The following GPC5 variants were observed in gnomAD, a reference collection of about 807,000 sequenced individuals.
The protein encoded by GPC5 is glypican 5.
In GPC5, 47 loss-of-function variants were observed where a neutral mutation model predicts 53.9. That is an observed-to-expected ratio of 0.87 (90% CI 0.69 to 1.11). The LOEUF (loss-of-function observed/expected upper bound fraction) is 1.11. Among genes scored for constraint, GPC5 ranks in the 50% most tolerant of loss-of-function variants. The pLI is 0.00. For missense variants in GPC5, 748 were observed against 713.1 expected (o/e 1.05, Z -0.56); for synonymous variants, 286 against 263.3 (o/e 1.09, Z -0.84).
chr13:92,557,522 A>G (rs1026274727), intron 7 of GPC5, among the ~76,000 whole-genome samples: 20 of 152,014 alleles, frequency 1.3e-4, no homozygotes, highest in African/African-American at 4.8e-4. Context: ...AGCCCCTGGC[A>G]TATTTTCAAA....
At chr13:92,420,215 A>C (rs1876497302) in intron 7 of GPC5, among the ~76,000 whole-genome samples, 1 of 152,198 alleles carries the variant, frequency 6.6e-6, no homozygotes, top group Non-Finnish European at 1.5e-5. Flanking sequence ...ATTGTTTAGC[A>C]CAAAATTATT....
intron 2 of GPC5, among the ~76,000 whole-genome samples, chr13:91,576,383 G>T (rs535087784): frequency 4.6e-5 from 7 of 151,628 alleles, no homozygotes; most frequent in Non-Finnish European, 8.8e-5. Context: ...TTACTTAGTA[G>T]TTAGAAATAA....
At chr13:92,768,053 T>C (rs752931054) in intron 7 of GPC5, among the ~76,000 whole-genome samples, 10 of 152,200 alleles carry the variant, frequency 6.6e-5, no homozygotes, top group Non-Finnish European at 1.2e-4. Context: ...CTAGAAAATA[T>C]GTGAAAACCC....
chr13:91,802,396 C>T (rs1425544895), intron 5 of GPC5, among the ~76,000 whole-genome samples: 6 of 152,098 alleles, frequency 3.9e-5, no homozygotes, highest in African/African-American at 1.2e-4. Flanking sequence ...AGCTGCAGAC[C>T]CTTGTGGTGA....
At chr13:92,445,361 T>C (rs1486446549) in intron 7 of GPC5, among the ~76,000 whole-genome samples, 1 of 151,062 alleles carries the variant, frequency 6.6e-6, no homozygotes, top group African/African-American at 2.4e-5. Flanking sequence ...CATGTGCACA[T>C]TGTGCAGGTT....
intron 2 of GPC5, among the ~76,000 whole-genome samples, chr13:91,564,524 C>T (rs2138942715): frequency 6.6e-6 from 1 of 152,232 alleles, no homozygotes; most frequent in African/African-American, 2.4e-5. Flanking sequence ...AACGATTTAG[C>T]AATCCAAGAA....
At position 92,186,956 on chromosome 13, in the gene GPC5, A is replaced by G. The variant is rs529050241; in HGVS notation, c.1561+41967A>G. ...GCAAAACCCCGTCTCTACTGAAAAT[A>G]CAAAAATTAGCCGGGCGTGTTAGTG... is the stretch of plus-strand genomic sequence containing the variant. On this transcript the variant is annotated intron_variant, in intron 7 of 7. Coordinates refer to ENST00000377067, the MANE Select transcript of GPC5 (RefSeq NM_004466.6). Among the ~76,000 whole-genome samples the G allele has an allele frequency of 7.4e-4, 113 of 152,238 alleles. 2 individuals carry two copies. In the South Asian group the frequency reaches 0.022, roughly 30 times the overall value.
At chr13:92,790,039 G>A (rs981512309) in intron 7 of GPC5, among the ~76,000 whole-genome samples, 11 of 152,142 alleles carry the variant, frequency 7.2e-5, no homozygotes, top group African/African-American at 2.4e-4. Context: ...ACGGTAGAAA[G>A]ATGAAGCCTA....
intron 7 of GPC5, among the ~76,000 whole-genome samples, chr13:92,233,780 G>T (rs1213147522): frequency 1.3e-5 from 2 of 151,982 alleles, no homozygotes; most frequent in Non-Finnish European, 2.9e-5. Context: ...TTAACATTAG[G>T]TATATCTCCA....
chr13:91,477,001 G>A (rs1414673532), intron 2 of GPC5, among the ~76,000 whole-genome samples: 2 of 152,086 alleles, frequency 1.3e-5, no homozygotes, highest in African/African-American at 2.4e-5. Flanking sequence ...GAGAAATTAC[G>A]GAGTGTTATT....
chr13:92,176,736 C>A (rs1046850978), intron 7 of GPC5, among the ~76,000 whole-genome samples: 1 of 152,124 alleles, frequency 6.6e-6, no homozygotes, highest in Non-Finnish European at 1.5e-5. Flanking sequence ...AGTGGTTCCT[C>A]ACCTCAACGG....
chr13:92,365,408 T>G (rs991591175), intron 7 of GPC5, among the ~76,000 whole-genome samples: 3 of 151,784 alleles, frequency 2.0e-5, no homozygotes, highest in African/African-American at 7.3e-5. Context: ...GGCAGGTTAA[T>G]GAGTGAGTGG....
At chr13:92,371,888 G>T (rs2043653278) in intron 7 of GPC5, among the ~76,000 whole-genome samples, 1 of 152,162 alleles carries the variant, frequency 6.6e-6, no homozygotes, top group South Asian at 2.1e-4. Context: ...TAGCAGCAGG[G>T]TCTCAAAGAA....
At chr13:92,656,186 A>G (rs779933966) in intron 7 of GPC5, among the ~76,000 whole-genome samples, 8 of 152,174 alleles carry the variant, frequency 5.3e-5, no homozygotes, top group Non-Finnish European at 7.3e-5. Context: ...CACAGGGCAG[A>G]GTGGAAGGTA....
intron 6 of GPC5, among the ~76,000 whole-genome samples, chr13:92,035,394 A>T (rs566664627): frequency 6.6e-6 from 1 of 152,068 alleles, no homozygotes; most frequent in African/African-American, 2.4e-5. Flanking sequence ...TTTTGTTTAT[A>T]TGTCTTTTAT....
chr13:92,604,288 G>C (rs1255269598), intron 7 of GPC5, among the ~76,000 whole-genome samples: 4 of 152,126 alleles, frequency 2.6e-5, no homozygotes, highest in Non-Finnish European at 5.9e-5. Context: ...ATTTACATGT[G>C]AGAAGTATTT....
chr13:92,035,642 G>A (rs1241499650), intron 6 of GPC5, among the ~76,000 whole-genome samples: 2 of 151,100 alleles, frequency 1.3e-5, no homozygotes, highest in East Asian at 3.9e-4. Context: ...TTTATATACA[G>A]ACTGTCTTTT....
In GPC5 at chr13:92,435,001, G is replaced by T. The variant is rs564280995; in HGVS notation, c.1561+290012G>T. On this transcript the variant is annotated intron_variant, in intron 7 of 7. Transcript: ENST00000377067. Reference sequence around the variant, plus strand: ...GCCATCTCAGCTCACTGAAACCTCTGCCTCCCTGGTTCAAGCGATTCTTCT... The same window carrying T: ...GCCATCTCAGCTCACTGAAACCTCTTCCTCCCTGGTTCAAGCGATTCTTCT... 3.3e-5 allele frequency among the ~76,000 whole-genome samples: 5 copies of T among 152,286 alleles called. No homozygotes were observed. In the South Asian group the frequency reaches 1.0e-3, roughly 32 times the overall value.
At chr13:91,613,299 A>G (rs971756869) in intron 2 of GPC5, among the ~76,000 whole-genome samples, 9 of 152,186 alleles carry the variant, frequency 5.9e-5, no homozygotes, top group African/African-American at 1.2e-4. Context: ...CATGTCTCAC[A>G]TGGCAGCAGA....
Sources: allele counts gnomAD v4.1 joint callset (sites outside exome capture counted in the v4.1 genomes callset), GRCh38; gene constraint gnomAD v4.1.1; transcripts MANE v1.5; gene names NCBI Gene and HGNC (gene_info 2026-07-23, HGNC 2026-07-21).